Variants in NAALADL2 observed in about 807,000 individuals in gnomAD.
NAALADL2 encodes inactive N-acetylated-alpha-linked acidic dipeptidase-like protein 2.
In NAALADL2, 76 loss-of-function variants were observed where a neutral mutation model predicts 87.2. That is an observed-to-expected ratio of 0.87 (90% confidence interval 0.72 to 1.05). The LOEUF is 1.05. Among genes scored for constraint, NAALADL2 ranks in the 50% least tolerant of loss-of-function variants. The pLI, the probability that NAALADL2 is intolerant of heterozygous loss-of-function variation, is 0.00. For missense variants in NAALADL2, 1,089 were observed against 945.8 expected (o/e 1.15, Z -1.99); for synonymous variants, 354 against 331.0 (o/e 1.07, Z -0.75).
At chr3:175,119,876 GTATATATATACATATA>G (rs1317182928) in intron 2 of NAALADL2, among the ~76,000 whole-genome samples, 4 of 123,522 alleles carry the variant, frequency 3.2e-5, no homozygotes, top group Non-Finnish European at 6.8e-5. Context: ...ATGTGTATGT[GTATATATATACATATA>G]TATATATATA....
intron 2 of NAALADL2, among the ~76,000 whole-genome samples, chr3:175,219,230 T>C (rs144242183): frequency 6.6e-6 from 1 of 152,234 alleles, no homozygotes; most frequent in East Asian, 1.9e-4. Context: ...ATTGTTAGTT[T>C]TAGTTTGAGT....
intron 3 of NAALADL2, among the ~76,000 whole-genome samples, chr3:174,780,178 G>A (rs1042792523): frequency 3.9e-5 from 6 of 152,042 alleles, no homozygotes; most frequent in Non-Finnish European, 7.4e-5. Context: ...CCTTGAAGAA[G>A]TCCTTCAAAT....
chr3:174,698,269 C>T (rs1027250112), intron 2 of NAALADL2, among the ~76,000 whole-genome samples: 2 of 150,298 alleles, frequency 1.3e-5, no homozygotes, highest in Non-Finnish European at 2.9e-5. Flanking sequence ...CCTGAAATAG[C>T]ATTGTTTATA....
intron 5 of NAALADL2, among the ~76,000 whole-genome samples, chr3:175,355,805 A>G (rs1764296884): frequency 6.6e-6 from 1 of 152,172 alleles, no homozygotes; most frequent in Non-Finnish European, 1.5e-5. Context: ...ATCACCAGAA[A>G]TGAAGTAGAG....
intron 1 of NAALADL2, among the ~76,000 whole-genome samples, chr3:175,014,322 A>C (rs1248579003): frequency 6.6e-6 from 1 of 151,948 alleles, no homozygotes; most frequent in African/African-American, 2.4e-5. Flanking sequence ...GAAAACTACA[A>C]CACCTACCTG....
chr3:174,734,300 A>G (rs1732985299), intron 2 of NAALADL2, among the ~76,000 whole-genome samples: 1 of 152,192 alleles, frequency 6.6e-6, no homozygotes, highest in African/African-American at 2.4e-5. Flanking sequence ...AGGTATGCAC[A>G]TGTGTGTATC....
chr3:174,982,867 C>T (rs996002735), intron 1 of NAALADL2, among the ~76,000 whole-genome samples: 13 of 152,114 alleles, frequency 8.5e-5, no homozygotes, highest in African/African-American at 2.4e-4. Context: ...GCATGATCTC[C>T]GCTCACTGCA....
At chr3:174,512,306 T>C (rs1719652983) in intron 1 of NAALADL2, among the ~76,000 whole-genome samples, 1 of 152,168 alleles carries the variant, frequency 6.6e-6, no homozygotes, top group Admixed American at 6.5e-5. Context: ...TGATGAAAAG[T>C]TGGCTGTAAT....
At chr3:175,044,739 G>C (rs58395088) in intron 1 of NAALADL2, among the ~76,000 whole-genome samples, 36,080 of 151,872 alleles carry the variant, frequency 0.24, 4,488 homozygotes, top group East Asian at 0.38. Context: ...AATGTGCTGG[G>C]AAGAGAATCT....
chr3:175,628,609 C>CTATGTGTATATATATATATATA (rs10663163), intron 11 of NAALADL2, among the ~76,000 whole-genome samples: 43 of 132,218 alleles, frequency 3.3e-4, no homozygotes, highest in African/African-American at 1.1e-3. Flanking sequence ...AATAATCTCT[C>CTATGTGTATATATATATATATA]TCTCTATGTA....
chr3:175,023,683 C>G (rs910133228), intron 1 of NAALADL2, among the ~76,000 whole-genome samples: 4 of 151,982 alleles, frequency 2.6e-5, no homozygotes, highest in African/African-American at 9.7e-5. Flanking sequence ...CTTGACATCA[C>G]TAATAACAAT....
intron 2 of NAALADL2, among the ~76,000 whole-genome samples, chr3:174,724,581 G>T (rs1189351310): frequency 1.3e-5 from 2 of 152,098 alleles, no homozygotes; most frequent in Non-Finnish European, 2.9e-5. Context: ...ATTTAGAAAA[G>T]TCATATTTAA....
intron 1 of NAALADL2, among the ~76,000 whole-genome samples, chr3:174,510,246 A>G (rs1315444881): frequency 2.0e-5 from 3 of 152,130 alleles, no homozygotes; most frequent in Non-Finnish European, 2.9e-5. Context: ...TGGCTTCATC[A>G]TACGAGTTGG....
At chr3:175,619,130 G>A (rs1288848457) in intron 10 of NAALADL2, among the ~76,000 whole-genome samples, 1 of 151,960 alleles carries the variant, frequency 6.6e-6, no homozygotes, top group East Asian at 1.9e-4. Context: ...AACAACTGGT[G>A]GAGCATCTCC....
chr3:174,693,251 T>C (rs1728744555), intron 2 of NAALADL2, among the ~76,000 whole-genome samples: 1 of 152,142 alleles, frequency 6.6e-6, no homozygotes, highest in African/African-American at 2.4e-5. Context: ...TGAAAACCTG[T>C]TTTATGACAT....
chr3:174,690,703 T>C (rs1234912609), intron 2 of NAALADL2, among the ~76,000 whole-genome samples: 1 of 152,174 alleles, frequency 6.6e-6, no homozygotes, highest in Non-Finnish European at 1.5e-5. Flanking sequence ...TTGTGTGTTC[T>C]GTAATTTGTT....
intron 6 of NAALADL2, among the ~76,000 whole-genome samples, chr3:175,454,193 C>T (rs1008327837): frequency 6.6e-6 from 1 of 151,960 alleles, no homozygotes. Context: ...TGTACTTAGG[C>T]TTATAGTTTT....
intron 2 of NAALADL2, among the ~76,000 whole-genome samples, chr3:175,155,320 T>C (rs902772294): frequency 2.6e-5 from 4 of 152,166 alleles, no homozygotes; most frequent in Admixed American, 6.5e-5. Context: ...GTAACAGCTG[T>C]AGCAGTTGCC....
At chr3:174,893,681 A>G (rs767652428) in intron 1 of NAALADL2, among the ~76,000 whole-genome samples, 5 of 152,202 alleles carry the variant, frequency 3.3e-5, no homozygotes, top group Admixed American at 6.5e-5. Flanking sequence ...TGCAAGCCTC[A>G]TGGTAACCTC....
Sources: allele counts gnomAD v4.1 joint callset (sites outside exome capture counted in the v4.1 genomes callset), GRCh38; gene constraint gnomAD v4.1.1; transcripts MANE v1.5; gene names NCBI Gene and HGNC (gene_info 2026-07-23, HGNC 2026-07-21).